Variants in ZFHX4 observed in about 807,000 individuals in gnomAD.
ZFHX4 encodes zinc finger homeobox protein 4.
A neutral mutation model predicts 267.6 loss-of-function variants in ZFHX4; 56 were observed. The observed-to-expected ratio is 0.21, with a 90% CI of 0.17 to 0.26. The LOEUF (loss-of-function observed/expected upper bound fraction) is 0.26. Ranked by LOEUF, ZFHX4 falls within the 10% of genes least tolerant of loss-of-function variation. The pLI, the probability that ZFHX4 is intolerant of heterozygous loss-of-function variation, is 1.00. For synonymous variants in ZFHX4, 1,778 were observed against 1,665.6 expected, an observed-to-expected ratio of 1.07 and a Z score of -1.64; for missense variants, 4,332 against 4,420.0, an observed-to-expected ratio of 0.98 and a Z score of 0.56.
At chr8:76,707,086 T>C (rs528131671) in intron 2 of ZFHX4, among the ~76,000 whole-genome samples, 51 of 152,350 alleles carry the variant, frequency 3.3e-4, no homozygotes, top group Non-Finnish European at 5.9e-4. Flanking sequence ...AGAAATATTT[T>C]AATGGCTGTG....
At chr8:76,791,437 G>T (rs551122060) in intron 4 of ZFHX4, among the ~76,000 whole-genome samples, 1 of 152,056 alleles carries the variant, frequency 6.6e-6, no homozygotes, top group Admixed American at 6.6e-5. Context: ...GGATTTTAAC[G>T]TAGAAAACTT....
rs1364674515 is a variant in ZFHX4, at chr8:76,855,891, C to T, written c.8970C>T (p.Asn2990=). 3 of 1,613,800 alleles carry T rather than the reference C, an allele frequency of 1.9e-6. No homozygotes were observed. In the South Asian group the frequency reaches 3.3e-5, roughly 18 times the overall value. ...ARAKEKKFKI[N]IGKPFMINQG... ...CAAAGGAAAAGAAATTTAAAATTAA[C>T]ATAGGGAAGCCTTTCATGATCAATC... Residue 2990 remains asparagine (N), a synonymous_variant, in exon 10 of 11, where the codon AAC becomes AAT. Transcript: ENST00000651372.
chr8:76,862,088 A>G (rs1489557741), intron 10 of ZFHX4, among the ~76,000 whole-genome samples: 1 of 152,222 alleles, frequency 6.6e-6, no homozygotes. Context: ...ACAGGCTTTT[A>G]CAAGTCCCTT....
At chr8:76,773,551 T>A (rs1457904990) in intron 3 of ZFHX4, among the ~76,000 whole-genome samples, 1 of 152,124 alleles carries the variant, frequency 6.6e-6, no homozygotes, top group African/African-American at 2.4e-5. Flanking sequence ...CCTCCTGATA[T>A]CTGTTTGGGT....
chr8:76,808,260 A>G (rs779372764), intron 4 of ZFHX4, among the ~76,000 whole-genome samples: 56 of 152,156 alleles, frequency 3.7e-4, no homozygotes, highest in Non-Finnish European at 7.5e-4. Context: ...TATCTAAACC[A>G]CTTGCTTTGA....
chr8:76,795,609 C>T (rs566209391), intron 4 of ZFHX4, among the ~76,000 whole-genome samples: 6 of 148,534 alleles, frequency 4.0e-5, no homozygotes, highest in South Asian at 4.3e-4. Flanking sequence ...TGCAATGGCA[C>T]GATCTCAGCT....
intron 4 of ZFHX4, among the ~76,000 whole-genome samples, chr8:76,795,565 A>C (rs1249830016): frequency 1.1e-5 from 1 of 95,226 alleles, no homozygotes; most frequent in Non-Finnish European, 2.0e-5. Flanking sequence ...TTTTTTTTTG[A>C]GACGGAGTTT....
rs763828319 is a variant in ZFHX4 at position 76,853,304 on chromosome 8, A to C, written c.6383A>C (p.Gln2128Pro). The change falls in exon 10 of 11, where the codon CAG becomes CCG. Residue 2128 changes from glutamine (Q) to proline (P), a missense_variant. This residue lies in a region of ZFHX4 where 1,371 missense variants were observed against 1,423.1 expected (regional missense o/e 0.96). Coordinates refer to ENST00000651372, the MANE Select transcript of ZFHX4 (RefSeq NM_024721.5). ...GATCCCAACTTCTTAAGACATTCTC[A>C]GTTCAAACGCCCACGGACAAGAATT... ...GLDPNFLRHS[Q>P]FKRPRTRITD... is the part of the protein sequence containing the mutation. The C allele has an allele frequency of 1.9e-6, 3 of 1,612,054 alleles. No homozygotes were observed. The highest frequency in any genetic ancestry group is 2.5e-6 in the Non-Finnish European group (3 of 1,178,978).
intron 5 of ZFHX4, among the ~76,000 whole-genome samples, chr8:76,837,496 A>C (rs1402947539): frequency 6.6e-6 from 1 of 151,394 alleles, no homozygotes; most frequent in African/African-American, 2.4e-5. Flanking sequence ...GCAAAAAGAA[A>C]AAAAAAAAAA....
chr8:76,852,959 C>G lies in ZFHX4; in HGVS notation c.6038C>G (p.Pro2013Arg). Residue 2013 changes from proline to arginine, a missense_variant, in exon 10 of 11, where the codon CCT becomes CGT. This residue lies in a region of ZFHX4 where 1,371 missense variants were observed against 1,423.1 expected (regional missense o/e 0.96). Transcript: ENST00000651372. ...CCGCCACCTCCTCCTCCTCCCTTGC[C>G]TCCGGCTCCTCCACAGCCTTCTTCT... ...PPPPPPPPPL[P>R]PAPPQPSSMG... 1 of 1,567,220 alleles carries G rather than the reference C, an allele frequency of 6.4e-7. No individual in the cohort carries two copies. The highest frequency in any genetic ancestry group is 8.7e-7 in the Non-Finnish European group (1 of 1,155,124).
chr8:76,854,049 T>C lies in ZFHX4; in HGVS notation c.7128T>C (p.Ala2376=). The change falls in exon 10 of 11, where the codon GCT becomes GCC. Residue 2376 remains alanine (A), a synonymous_variant. Coordinates refer to ENST00000651372, the MANE Select transcript of ZFHX4 (RefSeq NM_024721.5). ...GCCAAACGGATGCAGCTAAAAACGC[T>C]GCTGCCCCTGCAGCAAGTTCTGGCT... The part of the protein sequence containing the change: ...VSGQTDAAKN[A]AAPAASSGSG... The C allele has an allele frequency of 6.2e-7, 1 of 1,613,936 alleles. No individual in the cohort carries two copies. Among genetic ancestry groups the C allele is most frequent in the Non-Finnish European group, 8.5e-7 (1 of 1,179,868 alleles).
chr8:76,801,520 A>G (rs867549271), intron 4 of ZFHX4, among the ~76,000 whole-genome samples: 1 of 152,216 alleles, frequency 6.6e-6, no homozygotes, highest in African/African-American at 2.4e-5. Context: ...TATTGCAAGC[A>G]TTAGAACCAG....
intron 6 of ZFHX4, among the ~76,000 whole-genome samples, chr8:76,847,807 T>A (rs1812403977): frequency 6.6e-6 from 1 of 152,154 alleles, no homozygotes. Flanking sequence ...ACTGGGTTAT[T>A]TTGCAATAAG....
chr8:76,781,433 A>G (rs1261985559), intron 4 of ZFHX4, among the ~76,000 whole-genome samples: 2 of 152,076 alleles, frequency 1.3e-5, no homozygotes, highest in Non-Finnish European at 2.9e-5. Context: ...GTACTATAGG[A>G]CTGGGTCTTC....
In ZFHX4 at chr8:76,856,055, G is replaced by C. The variant is rs766889092; in HGVS notation, c.9134G>C (p.Arg3045Pro). The C allele has an allele frequency of 6.2e-6, 10 of 1,613,792 alleles. No homozygotes were observed. In the East Asian group the frequency reaches 1.8e-4, roughly 29 times the overall value. The change falls in exon 10 of 11, where the codon CGG becomes CCG. Residue 3045 changes from arginine to proline, a missense_variant. Arg to Pro is a moderately radical substitution (Grantham distance 103). Transcript: ENST00000651372. ...GAGACCGTTGGCAGTCAGCTCGATC[G>C]GGAGAAAGATTACTTGGCTCCGACC... Reference protein sequence around the residue: ...VRETVGSQLDREKDYLAPTTV... With the variant: ...VRETVGSQLDPEKDYLAPTTV...
chr8:76,696,375 T>C (rs1034815858), intron 1 of ZFHX4, among the ~76,000 whole-genome samples: 34 of 152,072 alleles, frequency 2.2e-4, no homozygotes, highest in Non-Finnish European at 2.9e-4. Context: ...TTTCCTGTAA[T>C]GATATTGAAG....
intron 6 of ZFHX4, among the ~76,000 whole-genome samples, chr8:76,844,801 T>G (rs1812325343): frequency 6.6e-6 from 1 of 152,154 alleles, no homozygotes; most frequent in Non-Finnish European, 1.5e-5. Context: ...ATGCAAATAT[T>G]TATCTTTAAA....
At chr8:76,694,638 C>CT (rs545964479) in intron 1 of ZFHX4, among the ~76,000 whole-genome samples, 84 of 146,484 alleles carry the variant, frequency 5.7e-4, no homozygotes, top group African/African-American at 1.4e-3. Context: ...TAATGTTAGT[C>CT]TTTTTTTTTT....
rs772215079 is a variant in ZFHX4 at position 76,705,725 on chromosome 8, G to A, written c.1637G>A (p.Gly546Asp). Reference protein sequence around the residue: ...KKQTAAVRASGSVASNYGISG... With the variant: ...KKQTAAVRASDSVASNYGISG... ...CAGACTGCTGCTGTTAGGGCCAGTG[G>A]CAGTGTTGCTAGTAACTATGGCATC... is the stretch of plus-strand genomic sequence containing the variant. The change falls in exon 2 of 11, where the codon GGC becomes GAC. Residue 546 changes from glycine to aspartate, a missense_variant. Transcript: ENST00000651372. 1.9e-6 allele frequency: 3 copies of A among 1,613,924 alleles called. No individual in the cohort carries two copies. The highest frequency in any genetic ancestry group is 1.3e-5 in the African/African-American group (1 of 74,934).
Sources: gnomAD v4.1 joint callset for allele counts (sites outside exome capture counted in the v4.1 genomes callset) on GRCh38, gnomAD v4.1.1 for gene constraint, gnomAD v4.1.1 regional missense constraint, MANE v1.5 for transcripts, NCBI Gene and HGNC (gene_info 2026-07-23, HGNC 2026-07-21) for gene names.